The following PTPRZ1 variants were observed in gnomAD, a reference collection of about 807,000 sequenced individuals.
The protein encoded by PTPRZ1 is protein tyrosine phosphatase receptor type Z1.
A neutral mutation model predicts 214.1 loss-of-function variants in PTPRZ1; 82 were observed. That is an observed-to-expected ratio of 0.38 (90% CI 0.32 to 0.46). The LOEUF (loss-of-function observed/expected upper bound fraction) is 0.46, where lower values mean the gene tolerates loss of function less well. Among genes scored for constraint, PTPRZ1 ranks in the 20% least tolerant of loss-of-function variants. PTPRZ1 has a pLI of 1.00. For synonymous variants in PTPRZ1, 945 were observed against 987.9 expected (o/e 0.96, Z 0.81); for missense variants, 2,603 against 2,748.7 (o/e 0.95, Z 1.19).
chr7:121,979,667 G>A (rs542877071), intron 6 of PTPRZ1, among the ~76,000 whole-genome samples: 1 of 152,200 alleles, frequency 6.6e-6, no homozygotes, highest in South Asian at 2.1e-4. Flanking sequence ...TGATTAGTTG[G>A]TTGGTTGATC....
At chr7:121,960,241 A>G (rs1796835349) in intron 2 of PTPRZ1, among the ~76,000 whole-genome samples, 1 of 152,084 alleles carries the variant, frequency 6.6e-6, no homozygotes, top group East Asian at 1.9e-4. Context: ...GGGTTTCACT[A>G]TGTTGGCCAG....
chr7:121,880,680 A>T (rs1357633722), intron 1 of PTPRZ1, among the ~76,000 whole-genome samples: 2 of 152,198 alleles, frequency 1.3e-5, no homozygotes, highest in Non-Finnish European at 2.9e-5. Flanking sequence ...CATGCTTAGA[A>T]CATGCTGGCC....
intron 2 of PTPRZ1, among the ~76,000 whole-genome samples, chr7:121,945,005 T>C (rs1796332578): frequency 6.6e-6 from 1 of 152,072 alleles, no homozygotes; most frequent in Non-Finnish European, 1.5e-5. Flanking sequence ...CCCTGGGGAG[T>C]ATGTTTGAAA....
intron 29 of PTPRZ1, among the ~76,000 whole-genome samples, chr7:122,060,354 A>G (rs895783577): frequency 2.0e-5 from 3 of 152,114 alleles, no homozygotes; most frequent in Non-Finnish European, 2.9e-5. Flanking sequence ...CTTTCTGGAG[A>G]TGCACAGTTC....
intron 2 of PTPRZ1, among the ~76,000 whole-genome samples, chr7:121,929,095 G>C (rs1315771004): frequency 6.6e-6 from 1 of 152,036 alleles, no homozygotes; most frequent in Non-Finnish European, 1.5e-5. Context: ...CTTTTTAATT[G>C]CTATTTTAAA....
chr7:122,030,099 T>C (rs573028744), intron 14 of PTPRZ1, among the ~76,000 whole-genome samples: 1 of 152,060 alleles, frequency 6.6e-6, no homozygotes, highest in Admixed American at 6.6e-5. Flanking sequence ...ACAAATAAAA[T>C]AATACAAAAT....
rs141143582 is a variant in PTPRZ1 at position 122,010,524 on chromosome 7, G to T, written c.1478G>T (p.Gly493Val). The T allele has an allele frequency of 9.9e-6, 16 of 1,613,696 alleles. No homozygotes were observed. The highest frequency in any genetic ancestry group is 6.7e-5 in the African/African-American group (5 of 74,896). Residue 493 changes from glycine to valine, a missense_variant, in exon 12 of 30, where the codon GGT (glycine) becomes GTT (valine). Physicochemically the swap from Gly to Val is moderately radical, Grantham distance 109. Transcript: ENST00000393386. Reference protein sequence around the residue: ...PTRGSEFSGKGDVPNTSLNST... With the variant: ...PTRGSEFSGKVDVPNTSLNST... ...AGAGGAAGTGAATTCTCTGGAAAGG[G>T]TGATGTTCCCAATACATCTTTAAAT... is the stretch of plus-strand genomic sequence containing the variant.
At chr7:121,975,700 G>C (rs1584701626) in intron 4 of PTPRZ1, among the ~76,000 whole-genome samples, 1 of 152,156 alleles carries the variant, frequency 6.6e-6, no homozygotes, top group Non-Finnish European at 1.5e-5. Context: ...ACAAGGGATA[G>C]CCTCACAGCT....
At chr7:121,967,443 A>G (rs1364862446) in intron 2 of PTPRZ1, among the ~76,000 whole-genome samples, 1 of 152,158 alleles carries the variant, frequency 6.6e-6, no homozygotes, top group African/African-American at 2.4e-5. Flanking sequence ...ACTTTTATGG[A>G]GAGTGTTGAG....
intron 8 of PTPRZ1, among the ~76,000 whole-genome samples, chr7:121,990,699 T>C (rs1196501): frequency 0.42 from 63,129 of 151,454 alleles, 13,503 homozygotes; most frequent in South Asian, 0.58. Context: ...TTTGTATTTT[T>C]AGCAGAGACG....
chr7:121,916,744 G>A (rs1795439628), intron 1 of PTPRZ1, among the ~76,000 whole-genome samples: 1 of 152,188 alleles, frequency 6.6e-6, no homozygotes, highest in South Asian at 2.1e-4. Context: ...TGCTGTTGCA[G>A]CAGTGGCCCA....
intron 1 of PTPRZ1, among the ~76,000 whole-genome samples, chr7:121,894,974 G>A (rs534262515): frequency 1.3e-5 from 2 of 152,300 alleles, no homozygotes; most frequent in African/African-American, 4.8e-5. Flanking sequence ...TTACTTGAGA[G>A]TATCACCTTA....
chr7:121,989,217 A>C (rs1797864947), intron 8 of PTPRZ1, among the ~76,000 whole-genome samples: 1 of 152,188 alleles, frequency 6.6e-6, no homozygotes, highest in African/African-American at 2.4e-5. Flanking sequence ...TTATTTTTGC[A>C]GTTAAAAAAG....
At chr7:121,971,088 G>A (rs961272670) in intron 3 of PTPRZ1, among the ~76,000 whole-genome samples, 4 of 151,778 alleles carry the variant, frequency 2.6e-5, no homozygotes, top group Non-Finnish European at 5.9e-5. Flanking sequence ...GTTTTTTTCA[G>A]GTTTGTCAAA....
intron 23 of PTPRZ1, among the ~76,000 whole-genome samples, chr7:122,048,928 C>T (rs1032524311): frequency 1.3e-5 from 2 of 152,048 alleles, no homozygotes; most frequent in Non-Finnish European, 2.9e-5. Context: ...GAATAAGACA[C>T]TTATAGGCCA....
intron 21 of PTPRZ1, among the ~76,000 whole-genome samples, chr7:122,042,396 A>G (rs1799757977): frequency 6.6e-6 from 1 of 152,240 alleles, no homozygotes; most frequent in Admixed American, 6.5e-5. Flanking sequence ...ACACATGACA[A>G]AACATTAGAA....
intron 23 of PTPRZ1, among the ~76,000 whole-genome samples, chr7:122,048,372 T>G (rs925482128): frequency 6.6e-6 from 1 of 152,036 alleles, no homozygotes; most frequent in Non-Finnish European, 1.5e-5. Context: ...AAAAAAGAGA[T>G]ATAATTTAGA....
At chr7:122,031,050 C>G (rs906894214) in intron 14 of PTPRZ1, among the ~76,000 whole-genome samples, 1 of 151,800 alleles carries the variant, frequency 6.6e-6, no homozygotes, top group Non-Finnish European at 1.5e-5. Flanking sequence ...TTTACAAAAC[C>G]GAAATTACAC....
At chr7:121,934,578 G>C (rs1796019748) in intron 2 of PTPRZ1, among the ~76,000 whole-genome samples, 1 of 150,266 alleles carries the variant, frequency 6.7e-6, no homozygotes, top group Non-Finnish European at 1.5e-5. Context: ...ATTGTGTGCA[G>C]ATCAAATAGA....
Sources: allele counts gnomAD v4.1 joint callset (sites outside exome capture counted in the v4.1 genomes callset), GRCh38; gene constraint gnomAD v4.1.1; transcripts MANE v1.5; gene names NCBI Gene and HGNC (gene_info 2026-07-23, HGNC 2026-07-21).